The following RAB30 variants were observed in gnomAD, a reference collection of about 807,000 sequenced individuals.
RAB30 encodes RAB30, member RAS oncogene family.
A neutral mutation model predicts 25.1 loss-of-function variants in RAB30; 9 were observed. The observed-to-expected ratio is 0.36, with a 90% CI of 0.22 to 0.63. The LOEUF (loss-of-function observed/expected upper bound fraction) is 0.63, where lower values mean the gene tolerates loss of function less well. RAB30 is among the 20% of genes least tolerant of loss of function. The probability of loss-of-function intolerance (pLI) is 0.69; values close to 1 mark genes in which losing one functional copy is unlikely to be tolerated. For synonymous variants in RAB30, 77 were observed against 86.4 expected, an observed-to-expected ratio of 0.89 and a Z score of 0.60; for missense variants, 140 against 243.5, an observed-to-expected ratio of 0.58 and a Z score of 2.83.
At chr11:82,995,482 A>T (rs937695172) in intron 2 of RAB30, among the ~76,000 whole-genome samples, 4 of 152,138 alleles carry the variant, frequency 2.6e-5, no homozygotes, top group African/African-American at 9.7e-5. Context: ...TTTGTTCCCA[A>T]CCTCTGTGCC....
intron 1 of RAB30, among the ~76,000 whole-genome samples, chr11:83,069,479 AG>A (rs1858782541): frequency 6.6e-6 from 1 of 152,188 alleles, no homozygotes; most frequent in African/African-American, 2.4e-5. Context: ...AGAAACAACC[AG>A]GGTGGGTGGG....
At chr11:82,989,926 G>C (rs1338877278) in intron 3 of RAB30, among the ~76,000 whole-genome samples, 5 of 152,184 alleles carry the variant, frequency 3.3e-5, no homozygotes. Flanking sequence ...AGTATATAAA[G>C]ATGAATAAAA....
At position 82,982,509 on chromosome 11, in the gene RAB30, A is replaced by G. The variant is rs1856660457; in HGVS notation, c.362-94T>C. 5 of 1,328,970 alleles carry G rather than the reference A, an allele frequency of 3.8e-6. No individual in the cohort carries two copies. The East Asian group carries it at 1.2e-4, about 31-fold the overall frequency. The allele number at this position is 1,328,970 out of a possible 1,614,324, so 82.3% of individuals were successfully genotyped here. ...TCAACTCCATATCTGAAGTCAAGCC[A>G]GACAGATGGGCGAGTAAAACAAAAC... On this transcript the variant is annotated intron_variant, in intron 4 of 4. Transcript: ENST00000527633.
intron 1 of RAB30, among the ~76,000 whole-genome samples, chr11:83,042,695 T>G (rs1481264143): frequency 6.6e-6 from 1 of 152,206 alleles, no homozygotes; most frequent in Non-Finnish European, 1.5e-5. Flanking sequence ...ATTATGTGCC[T>G]CCTTTTGTGA....
intron 4 of RAB30, among the ~76,000 whole-genome samples, chr11:82,983,835 T>C (rs1856687979): frequency 6.6e-6 from 1 of 152,196 alleles, no homozygotes; most frequent in African/African-American, 2.4e-5. Flanking sequence ...GGAAACAATC[T>C]TGAACTGTTT....
chr11:83,070,410 T>G (rs1308597047), intron 1 of RAB30, among the ~76,000 whole-genome samples: 2 of 152,212 alleles, frequency 1.3e-5, no homozygotes, highest in Non-Finnish European at 2.9e-5. Context: ...AAAATTGGCT[T>G]AGCAGCAGAA....
At chr11:83,014,633 A>AG (rs1555035101) in intron 1 of RAB30, among the ~76,000 whole-genome samples, 2 of 125,730 alleles carry the variant, frequency 1.6e-5, no homozygotes, top group South Asian at 2.6e-4. Context: ...AAGAAGTAAG[A>AG]AAAAGAAAGA....
intron 1 of RAB30, among the ~76,000 whole-genome samples, chr11:83,057,615 A>T (rs1858483981): frequency 6.6e-6 from 1 of 152,164 alleles, no homozygotes; most frequent in Non-Finnish European, 1.5e-5. Flanking sequence ...TAGTTGCCCA[A>T]ATGCTAGTAG....
intron 3 of RAB30, among the ~76,000 whole-genome samples, chr11:82,991,259 C>T (rs1856844479): frequency 6.6e-6 from 1 of 152,122 alleles, no homozygotes; most frequent in African/African-American, 2.4e-5. Context: ...AATCCCAGCA[C>T]TGTGGGAGGC....
chr11:83,003,828 G>A (rs1193525131), intron 1 of RAB30, among the ~76,000 whole-genome samples: 4 of 150,860 alleles, frequency 2.7e-5, no homozygotes, highest in Non-Finnish European at 1.5e-5. Flanking sequence ...TTTTTCTATA[G>A]AATGGTATTT....
intron 2 of RAB30, among the ~76,000 whole-genome samples, chr11:82,996,344 A>G (rs1856958910): frequency 6.6e-6 from 1 of 152,212 alleles, no homozygotes; most frequent in South Asian, 2.1e-4. Context: ...CTCACAGAGC[A>G]AGCCAGGGGC....
intron 1 of RAB30, among the ~76,000 whole-genome samples, chr11:83,058,759 T>C (rs1403930590): frequency 1.3e-5 from 2 of 152,244 alleles, no homozygotes; most frequent in African/African-American, 4.8e-5. Flanking sequence ...AAGAAACATT[T>C]TGAGACTAGA....
chr11:82,989,781 C>T (rs1262245581), intron 3 of RAB30, among the ~76,000 whole-genome samples: 1 of 152,248 alleles, frequency 6.6e-6, no homozygotes, highest in Non-Finnish European at 1.5e-5. Context: ...TTCTAGCTGA[C>T]AGTTGATTAT....
intron 4 of RAB30, among the ~76,000 whole-genome samples, chr11:82,986,767 T>A (rs1856745421): frequency 6.6e-6 from 1 of 152,340 alleles, no homozygotes; most frequent in Admixed American, 6.5e-5. Flanking sequence ...ACACATAAAG[T>A]TCCTCGTATC....
Position 83,067,854 on chromosome 11 carries a change from G to A in RAB30, c.-9+3837C>T, listed in dbSNP as rs192758470. On this transcript the variant is annotated intron_variant, in intron 1 of 4. Transcript: ENST00000527633. ...TAAAAATACAAAAGTTGCCAGGTGCGGTGGCTCACGCCTGTAGTCCCAGCA... is the reference window on the plus strand; with the variant it reads ...TAAAAATACAAAAGTTGCCAGGTGCAGTGGCTCACGCCTGTAGTCCCAGCA... Among the ~76,000 whole-genome samples the A allele has an allele frequency of 7.2e-5, 11 of 152,128 alleles. No homozygotes were observed. In the East Asian group the frequency reaches 1.2e-3, roughly 16 times the overall value.
chr11:82,989,622 T>G (rs1856810284), intron 3 of RAB30, among the ~76,000 whole-genome samples: 1 of 152,228 alleles, frequency 6.6e-6, no homozygotes, highest in African/African-American at 2.4e-5. Context: ...CACTTGTGAT[T>G]GCGATTTAGG....
chr11:83,034,992 A>G (rs1857957123), intron 1 of RAB30, among the ~76,000 whole-genome samples: 1 of 152,002 alleles, frequency 6.6e-6, no homozygotes, highest in South Asian at 2.1e-4. Context: ...AATAAAAAGA[A>G]TGATCATTTA....
chr11:83,038,498 A>G (rs1411241892), intron 1 of RAB30, among the ~76,000 whole-genome samples: 3 of 152,138 alleles, frequency 2.0e-5, no homozygotes, highest in African/African-American at 7.2e-5. Context: ...TGTGAGGACC[A>G]AAGCCTTATG....
In RAB30 at chr11:82,976,645, C is replaced by T. The variant is rs1856550661; in HGVS notation, c.*5520G>A. On this transcript the variant is annotated 3_prime_UTR_variant, in exon 5 of 5. Transcript: ENST00000527633. ...TAGCCTTTGTGCTCTGACCTCTTGT[C>T]CAAAGGAGTCCAAGAAAGTCTCAAT... 1 of 152,102 alleles carries T rather than the reference C, an allele frequency of 6.6e-6. No homozygotes were observed. The highest frequency in any genetic ancestry group is 2.1e-4 in the South Asian group (1 of 4,822). 9.4% of individuals were successfully genotyped at this position (152,102 alleles called of 1,614,324 possible).
Sources: allele counts gnomAD v4.1 joint callset (sites outside exome capture counted in the v4.1 genomes callset), GRCh38; gene constraint gnomAD v4.1.1; transcripts MANE v1.5; gene names NCBI Gene and HGNC (gene_info 2026-07-23, HGNC 2026-07-21).